Variants in SPAG16 observed in about 807,000 individuals in gnomAD.
SPAG16 encodes sperm associated antigen 16.
Under a neutral mutation model 80.4 loss-of-function variants are expected in SPAG16, and 86 were observed. The ratio of observed to expected loss-of-function variants is 1.07; its 90% CI spans 0.90 to 1.28. The LOEUF is 1.28. Ranked by LOEUF, SPAG16 falls within the 50% of genes most tolerant of loss-of-function variation. The pLI, the probability that SPAG16 is intolerant of heterozygous loss-of-function variation, is 0.00. For missense variants in SPAG16, 870 were observed against 765.3 expected, an observed-to-expected ratio of 1.14 and a Z score of -1.61; for synonymous variants, 294 against 265.9, an observed-to-expected ratio of 1.11 and a Z score of -1.03.
intron 11 of SPAG16, among the ~76,000 whole-genome samples, chr2:213,880,933 T>G (rs1188130041): frequency 6.6e-6 from 1 of 152,166 alleles, no homozygotes; most frequent in African/African-American, 2.4e-5. Flanking sequence ...CTCTTCTTTG[T>G]TTGAATGACC....
intron 10 of SPAG16, among the ~76,000 whole-genome samples, chr2:213,662,627 A>G (rs1448283657): frequency 6.6e-6 from 1 of 152,160 alleles, no homozygotes; most frequent in Non-Finnish European, 1.5e-5. Flanking sequence ...TGAAGTTTGA[A>G]GATAATACTT....
Position 213,694,897 on chromosome 2 carries a change from A to G in SPAG16, c.1071-167588A>G, listed in dbSNP as rs747502959. ...CTTTGAATCTTGTAATTTCTCTTAT[A>G]TCAACATCTTCTACCTCCCAGTAGT... On this transcript the variant is annotated intron_variant, in intron 10 of 15. Coordinates refer to ENST00000331683, the MANE Select transcript of SPAG16 (RefSeq NM_024532.5). Among the ~76,000 whole-genome samples the G allele has an allele frequency of 6.6e-5, 10 of 151,748 alleles. No homozygotes were observed. In the East Asian group the frequency reaches 9.7e-4, roughly 15 times the overall value.
At chr2:213,342,346 ATATGTATATATATAT>A (rs1471906430) in intron 6 of SPAG16, among the ~76,000 whole-genome samples, 2 of 56,914 alleles carry the variant, frequency 3.5e-5, no homozygotes, top group African/African-American at 1.2e-4. Context: ...TATATTACAT[ATATGTATATATATAT>A]TACATATATA....
intron 12 of SPAG16, among the ~76,000 whole-genome samples, chr2:213,970,007 T>A (rs1385310141): frequency 6.6e-6 from 1 of 152,110 alleles, no homozygotes; most frequent in Non-Finnish European, 1.5e-5. Context: ...ACCAGCAGAT[T>A]TGGTGTTTGG....
chr2:214,017,598 A>C (rs1345351006), intron 13 of SPAG16, among the ~76,000 whole-genome samples: 1 of 152,106 alleles, frequency 6.6e-6, no homozygotes, highest in Non-Finnish European at 1.5e-5. Flanking sequence ...TTGAATGCAT[A>C]CAGCTGTTTA....
intron 10 of SPAG16, among the ~76,000 whole-genome samples, chr2:213,604,510 T>C (rs1167553249): frequency 6.6e-6 from 1 of 152,196 alleles, no homozygotes; most frequent in Non-Finnish European, 1.5e-5. Flanking sequence ...TCCTTCTTAC[T>C]TTCATCTAAT....
intron 10 of SPAG16, among the ~76,000 whole-genome samples, chr2:213,655,156 C>T (rs1312101262): frequency 6.6e-6 from 1 of 152,126 alleles, no homozygotes; most frequent in African/African-American, 2.4e-5. Flanking sequence ...CATGTAGGTT[C>T]ATCAATTGTA....
intron 15 of SPAG16, among the ~76,000 whole-genome samples, chr2:214,184,237 T>C (rs1235402669): frequency 6.6e-6 from 1 of 152,094 alleles, no homozygotes; most frequent in Admixed American, 6.6e-5. Context: ...TAATTCTTGG[T>C]ATACCATTTA....
chr2:213,757,254 G>C (rs2125506915), intron 10 of SPAG16, among the ~76,000 whole-genome samples: 1 of 151,584 alleles, frequency 6.6e-6, no homozygotes, highest in Non-Finnish European at 1.5e-5. Context: ...TGAATTAGAT[G>C]ACTTAATATT....
At chr2:213,567,315 C>A (rs1410472190) in intron 10 of SPAG16, among the ~76,000 whole-genome samples, 1 of 136,316 alleles carries the variant, frequency 7.3e-6, no homozygotes, top group Non-Finnish European at 1.6e-5. Context: ...ATGTGCCATG[C>A]TGGTGCGCTG....
chr2:214,024,980 A>G (rs1459332811), intron 13 of SPAG16, among the ~76,000 whole-genome samples: 4 of 151,570 alleles, frequency 2.6e-5, no homozygotes, highest in African/African-American at 7.2e-5. Context: ...TCTTGAGTCC[A>G]AGATTTTTTA....
chr2:214,165,909 T>TA (rs1320051584), intron 15 of SPAG16, among the ~76,000 whole-genome samples: 4 of 152,026 alleles, frequency 2.6e-5, no homozygotes, highest in Admixed American at 6.6e-5. Flanking sequence ...TGCTTAATGT[T>TA]AAAATAAAGA....
chr2:213,487,021 G>A lies in SPAG16; in HGVS notation c.943-2942G>A, dbSNP rs545957597. On this transcript the variant is annotated intron_variant, in intron 9 of 15. Coordinates refer to ENST00000331683, the MANE Select transcript of SPAG16 (RefSeq NM_024532.5). ...TATGATTGGGGTTGCATTTTACAGA[G>A]AGAAATATATATATATATTTTGAAA... 2.6e-5 allele frequency among the ~76,000 whole-genome samples: 4 copies of A among 152,134 alleles called. No homozygotes were observed. In the South Asian group the frequency reaches 8.3e-4, roughly 32 times the overall value.
intron 15 of SPAG16, among the ~76,000 whole-genome samples, chr2:214,385,109 G>A (rs977283492): frequency 5.3e-5 from 8 of 152,228 alleles, no homozygotes; most frequent in South Asian, 4.1e-4. Flanking sequence ...GATGTGCTAC[G>A]CACAGCTTTC....
chr2:213,536,265 A>G (rs2076242683), intron 10 of SPAG16, among the ~76,000 whole-genome samples: 1 of 152,118 alleles, frequency 6.6e-6, no homozygotes, highest in South Asian at 2.1e-4. Context: ...CTGTGTAAAA[A>G]TCCTATATAG....
At chr2:214,041,006 T>TA (rs1382071878) in intron 13 of SPAG16, among the ~76,000 whole-genome samples, 3 of 152,108 alleles carry the variant, frequency 2.0e-5, no homozygotes, top group Non-Finnish European at 4.4e-5. Flanking sequence ...TCTTCCATTT[T>TA]AAGCACTTTC....
intron 10 of SPAG16, among the ~76,000 whole-genome samples, chr2:213,508,118 A>T (rs1383331262): frequency 6.6e-6 from 1 of 152,224 alleles, no homozygotes. Flanking sequence ...TACCCAAAGG[A>T]TTATAAATCA....
intron 12 of SPAG16, among the ~76,000 whole-genome samples, chr2:214,008,661 C>T (rs1486282022): frequency 6.6e-6 from 1 of 151,692 alleles, no homozygotes; most frequent in Non-Finnish European, 1.5e-5. Flanking sequence ...AGGAGAATCG[C>T]TTGAACCGGG....
intron 13 of SPAG16, among the ~76,000 whole-genome samples, chr2:214,101,271 T>C (rs34557739): frequency 0.33 from 49,507 of 151,836 alleles, 8,344 homozygotes; most frequent in African/African-American, 0.35. Flanking sequence ...GCTTGTGTTA[T>C]GGTAAAAAAC....
Sources: allele counts gnomAD v4.1 joint callset (sites outside exome capture counted in the v4.1 genomes callset), GRCh38; gene constraint gnomAD v4.1.1; transcripts MANE v1.5; gene names NCBI Gene and HGNC (gene_info 2026-07-23, HGNC 2026-07-21).